Variants in NCAPD3 observed in about 807,000 individuals in gnomAD.
The protein encoded by NCAPD3 is condensin-2 complex subunit D3.
Under a neutral mutation model 182.9 loss-of-function variants are expected in NCAPD3, and 105 were observed. That is an observed-to-expected ratio of 0.57 (90% CI 0.49 to 0.68). NCAPD3 has a LOEUF of 0.68. Ranked by LOEUF, NCAPD3 falls within the 30% of genes least tolerant of loss-of-function variation. The probability of loss-of-function intolerance (pLI) is 0.00; values close to 1 mark genes in which losing one functional copy is unlikely to be tolerated. For synonymous variants in NCAPD3, 815 were observed against 679.9 expected, an observed-to-expected ratio of 1.20 and a Z score of -3.09; for missense variants, 1,944 against 1,837.0, an observed-to-expected ratio of 1.06 and a Z score of -1.07.
At chr11:134,156,957 A>G in intron 32 of NCAPD3, 61 bp downstream of exon 32, 1 of 1,432,064 alleles carries the variant, frequency 7.0e-7, no homozygotes, top group Middle Eastern at 1.8e-4. Flanking sequence ...GACTCTAGCA[A>G]ACACATCACG....
At chr11:134,221,848 G>A (rs1445680006) in intron 1 of NCAPD3, among the ~76,000 whole-genome samples, 1 of 152,208 alleles carries the variant, frequency 6.6e-6, no homozygotes, top group African/African-American at 2.4e-5. Flanking sequence ...TGACCCTGAA[G>A]GAGGGGGTCT....
intron 12 of NCAPD3, 68 bp from the exon 13 acceptor site, chr11:134,202,973 T>C: frequency 1.5e-6 from 2 of 1,317,400 alleles, no homozygotes; most frequent in Non-Finnish European, 2.1e-6. Flanking sequence ...TAGCAGGGCA[T>C]GTTACTCATT....
At chr11:134,174,219 A>C (rs1294263600) in intron 24 of NCAPD3, among the ~76,000 whole-genome samples, 2 of 151,414 alleles carry the variant, frequency 1.3e-5, no homozygotes, top group Non-Finnish European at 2.9e-5. Context: ...GTGTCTCTAC[A>C]AAAAAGTACA....
intron 14 of NCAPD3, among the ~76,000 whole-genome samples, 155 bp downstream of exon 14, chr11:134,194,510 C>T (rs903590061): frequency 2.0e-5 from 3 of 152,026 alleles, no homozygotes; most frequent in South Asian, 2.1e-4. Context: ...TCTTCCAGTT[C>T]GTCTATGATT....
chr11:134,178,483 C>G (rs1944219812), intron 22 of NCAPD3, 151 bp downstream of exon 22: 1 of 548,550 alleles, frequency 1.8e-6, no homozygotes, highest in African/African-American at 1.9e-5. Context: ...GAGCTCAGCA[C>G]TCAGATCAGA....
rs1302895791 is a variant in NCAPD3, at chr11:134,204,976, G to A, written c.1017-5C>T. 1.2e-6 allele frequency: 2 copies of A among 1,611,216 alleles called. No individual in the cohort carries two copies. Among genetic ancestry groups the A allele is most frequent in the Admixed American group, 1.7e-5 (1 of 59,956 alleles). On this transcript the variant is annotated splice_polypyrimidine_tract_variant and splice_region_variant and intron_variant, in intron 8 of 34. Coordinates refer to ENST00000534548, the MANE Select transcript of NCAPD3 (RefSeq NM_015261.3). This position sits in a 1 kb window ranked among gnomAD's most constrained non-coding sequence, Gnocchi z 4.3. Reference sequence around the variant, plus strand: ...TTTAATTCATCCACAAGGGCGCTTTGTAAAAGAAAAACACATCTACTGTTC... The same window carrying A: ...TTTAATTCATCCACAAGGGCGCTTTATAAAAGAAAAACACATCTACTGTTC...
intron 2 of NCAPD3, among the ~76,000 whole-genome samples, chr11:134,217,597 AC>A (rs1938075778): frequency 6.6e-6 from 1 of 152,186 alleles, no homozygotes; most frequent in South Asian, 2.1e-4. Context: ...AAGGAGATAA[AC>A]CCTAGAAAAG....
At chr11:134,207,472 G>A (rs545354978) in intron 7 of NCAPD3, among the ~76,000 whole-genome samples, 16 of 152,184 alleles carry the variant, frequency 1.1e-4, no homozygotes, top group African/African-American at 3.6e-4. Flanking sequence ...TACCGACTGG[G>A]CGCAGTGGCT....
chr11:134,207,742 C>CA (rs34965902), intron 7 of NCAPD3, among the ~76,000 whole-genome samples: 3,728 of 60,526 alleles, frequency 0.062, 113 homozygotes, highest in Non-Finnish European at 0.068. Flanking sequence ...GACTGCGTCT[C>CA]AAAAAAAAAA....
At chr11:134,210,021 A>C (rs1937770749) in intron 4 of NCAPD3, among the ~76,000 whole-genome samples, 1 of 152,180 alleles carries the variant, frequency 6.6e-6, no homozygotes, top group Non-Finnish European at 1.5e-5. Flanking sequence ...GCACCACTGC[A>C]CTCCAACCTG....
chr11:134,171,944 CG>C (rs1944015668), intron 24 of NCAPD3, among the ~76,000 whole-genome samples: 1 of 152,190 alleles, frequency 6.6e-6, no homozygotes, highest in Non-Finnish European at 1.5e-5. Flanking sequence ...CAAATGTTCA[CG>C]GCATGTCTGC....
At chr11:134,178,608 G>A in intron 22 of NCAPD3, 26 bp downstream of exon 22, 1 of 1,476,520 alleles carries the variant, frequency 6.8e-7, no homozygotes, top group Non-Finnish European at 9.2e-7. Context: ...ACGATGTCAA[G>A]CCCCATTCTC....
At chr11:134,162,718 T>C (rs1943622876) in intron 27 of NCAPD3, among the ~76,000 whole-genome samples, 1 of 152,218 alleles carries the variant, frequency 6.6e-6, no homozygotes, top group African/African-American at 2.4e-5. Flanking sequence ...AGGAATAGTC[T>C]TAAGAAGTGG....
intron 26 of NCAPD3, 135 bp downstream of exon 26, chr11:134,168,334 T>C: frequency 1.3e-6 from 2 of 1,489,320 alleles, no homozygotes; most frequent in Non-Finnish European, 1.9e-6. Flanking sequence ...GCACAGCTGA[T>C]GCCAGAGAAG....
intron 28 of NCAPD3, 148 bp from the exon 29 acceptor site, chr11:134,160,222 A>C (rs1943539768): frequency 1.4e-6 from 1 of 720,472 alleles, no homozygotes; most frequent in Non-Finnish European, 2.2e-6. Context: ...AGAAAGAAAA[A>C]AGCCCCCCAA....
At chr11:134,178,594 C>G (rs375891612) in intron 22 of NCAPD3, 40 bp downstream of exon 22, 85 of 1,436,958 alleles carry the variant, frequency 5.9e-5, no homozygotes, top group Non-Finnish European at 7.6e-5. Context: ...CAGCTACACA[C>G]AGAACGATGT....
Position 134,153,372 on chromosome 11 carries a change from AGAG to A in NCAPD3, c.4253-12_4253-10del, listed in dbSNP as rs749865709. 3.8e-5 allele frequency: 61 copies of A among 1,613,956 alleles called. No homozygotes were observed. Among genetic ancestry groups the A allele is most frequent in the Admixed American group, 6.7e-5 (4 of 60,026 alleles). Reference sequence around the variant, plus strand: ...GACATCACTGATGCTCTCTGCATAAAGAGGAGACACCACTGAGTGAAAGCCGCG... The same window carrying A: ...GACATCACTGATGCTCTCTGCATAAAGAGACACCACTGAGTGAAAGCCGCG... On this transcript the variant is annotated splice_polypyrimidine_tract_variant and intron_variant, in intron 32 of 34. Coordinates refer to ENST00000534548, the MANE Select transcript of NCAPD3 (RefSeq NM_015261.3).
chr11:134,184,666 C>T lies in NCAPD3; in HGVS notation c.2422G>A (p.Ala808Thr), dbSNP rs778291655. 2.5e-6 allele frequency: 4 copies of T among 1,613,232 alleles called. No individual in the cohort carries two copies. The highest frequency in any genetic ancestry group is 2.7e-5 in the African/African-American group (2 of 74,988). ...AVDALQRLCR[A>T]SAETPAEEQE... ...TCCTCTGCTGGTGTCTCTGCAGATG[C>T]TCTACAAAGCCTCTGCAAGGCGTCA... Residue 808 changes from alanine to threonine, a missense_variant, in exon 19 of 35, where the codon GCA (alanine) becomes ACA (threonine). By Grantham distance (58) the Ala-to-Thr change is moderately conservative. This residue lies in a region of NCAPD3 where 1,803 missense variants were observed against 1,674.6 expected (regional missense o/e 1.08). Coordinates refer to ENST00000534548, the MANE Select transcript of NCAPD3 (RefSeq NM_015261.3).
intron 32 of NCAPD3, among the ~76,000 whole-genome samples, chr11:134,155,160 G>A (rs1240855287): frequency 6.6e-6 from 1 of 152,172 alleles, no homozygotes; most frequent in East Asian, 1.9e-4. Flanking sequence ...CAGATTTTCA[G>A]TTAAAATCCT....
Sources: allele counts gnomAD v4.1 joint callset (sites outside exome capture counted in the v4.1 genomes callset), GRCh38; gene constraint gnomAD v4.1.1; regional missense constraint gnomAD v4.1.1; non-coding constraint Gnocchi (gnomAD v3.1); transcripts MANE v1.5; gene names NCBI Gene and HGNC (gene_info 2026-07-23, HGNC 2026-07-21).